The following SNTB1 variants were observed in gnomAD, a reference collection of about 807,000 sequenced individuals.
SNTB1 encodes the protein syntrophin beta 1.
SNTB1 carries 36 observed loss-of-function variants against 48.9 expected under a neutral mutation model. That is an observed-to-expected ratio of 0.74 (90% CI 0.56 to 0.97). The LOEUF (loss-of-function observed/expected upper bound fraction) is 0.97, where lower values mean the gene tolerates loss of function less well. Ranked by LOEUF, SNTB1 falls within the 50% of genes least tolerant of loss-of-function variation. The probability of loss-of-function intolerance (pLI) is 0.00; values close to 1 mark genes in which losing one functional copy is unlikely to be tolerated. For missense variants in SNTB1, 786 were observed against 703.4 expected, an observed-to-expected ratio of 1.12 and a Z score of -1.33; for synonymous variants, 299 against 294.6, an observed-to-expected ratio of 1.01 and a Z score of -0.15.
In SNTB1 at chr8:120,662,515, A is replaced by T. The variant is rs544386078; in HGVS notation, c.789-29864T>A. Reference sequence around the variant, plus strand: ...TTACAGATGAAAGAAATTAACCCAAAACTTTCTACTTCTTGGCATCAAGGT... The same window carrying T: ...TTACAGATGAAAGAAATTAACCCAATACTTTCTACTTCTTGGCATCAAGGT... On this transcript the variant is annotated intron_variant, in intron 2 of 6. Transcript: ENST00000517992. Among the ~76,000 whole-genome samples, 3 of 152,262 alleles carry T rather than the reference A, an allele frequency of 2.0e-5. No individual in the cohort carries two copies. In the South Asian group the frequency reaches 6.2e-4, roughly 32 times the overall value.
At chr8:120,772,687 C>A (rs1032876653) in intron 1 of SNTB1, among the ~76,000 whole-genome samples, 2 of 152,168 alleles carry the variant, frequency 1.3e-5, no homozygotes, top group African/African-American at 4.8e-5. Context: ...ACAACCCACA[C>A]TGTATATACC....
intron 3 of SNTB1, among the ~76,000 whole-genome samples, chr8:120,610,765 T>A (rs1289703732): frequency 6.6e-6 from 1 of 152,118 alleles, no homozygotes; most frequent in Non-Finnish European, 1.5e-5. Context: ...AAGCTGCTGA[T>A]CAGTTTCAGG....
chr8:120,793,666 G>A lies in SNTB1; in HGVS notation c.571+17607C>T, dbSNP rs1820075443. Among the ~76,000 whole-genome samples the A allele has an allele frequency of 2.6e-5, 4 of 152,068 alleles. No individual in the cohort carries two copies. In the South Asian group the frequency reaches 8.3e-4, roughly 31 times the overall value. The stretch of plus-strand genomic sequence containing the variant: ...GGGTGCTTAGGGTCTAAGGAGTTGT[G>A]TAACTGCAGATCAGCCTATTAAACT... On this transcript the variant is annotated intron_variant, in intron 1 of 6. Coordinates refer to ENST00000517992, the MANE Select transcript of SNTB1 (RefSeq NM_021021.4).
chr8:120,801,994 C>A (rs1440530696), intron 1 of SNTB1, among the ~76,000 whole-genome samples: 1 of 152,192 alleles, frequency 6.6e-6, no homozygotes, highest in Non-Finnish European at 1.5e-5. Flanking sequence ...AGAGATAACC[C>A]TTTGGTGTCC....
intron 3 of SNTB1, among the ~76,000 whole-genome samples, chr8:120,619,917 TG>T (rs1323332359): frequency 6.6e-6 from 1 of 152,180 alleles, no homozygotes; most frequent in Non-Finnish European, 1.5e-5. Flanking sequence ...ATGGTGTTGA[TG>T]GAAGTTCTGT....
At chr8:120,639,643 C>T (rs1817152372) in intron 2 of SNTB1, among the ~76,000 whole-genome samples, 1 of 152,140 alleles carries the variant, frequency 6.6e-6, no homozygotes, top group Non-Finnish European at 1.5e-5. Flanking sequence ...GGAATCCTTT[C>T]CCCATTTCTT....
rs142242918 is a variant in SNTB1 at position 120,600,592 on chromosome 8, A to G, written c.997-25367T>C. 2.4e-3 allele frequency among the ~76,000 whole-genome samples: 369 copies of G among 152,318 alleles called. 4 individuals carry two copies. Among genetic ancestry groups the G allele is most frequent in the African/African-American group, 8.6e-3 (357 of 41,568 alleles). ...CATTTAATTGAAGTAGCTATTACTC[A>G]GCAATAGGTAGCTGGAATTCCTTAC... is the stretch of plus-strand genomic sequence containing the variant. On this transcript the variant is annotated intron_variant, in intron 3 of 6. Coordinates refer to ENST00000517992, the MANE Select transcript of SNTB1 (RefSeq NM_021021.4).
At chr8:120,811,196 T>C in intron 1 of SNTB1, 77 bp downstream of exon 1, 1 of 1,509,234 alleles carries the variant, frequency 6.6e-7, no homozygotes, top group Non-Finnish European at 8.8e-7. Context: ...CGAGTGAGTG[T>C]GAGTGTGAGC....
Position 120,542,517 on chromosome 8 carries a change from G to A in SNTB1, c.1334-517C>T, listed in dbSNP as rs552564734. Among the ~76,000 whole-genome samples, 30 of 152,230 alleles carry A rather than the reference G, an allele frequency of 2.0e-4. No individual in the cohort carries two copies. The South Asian group carries it at 5.2e-3, about 26-fold the overall frequency. ...AAAAATACAAATATTAGCCAGACAT[G>A]GTGGTGTGTGCCTGTATTCCCAGCT... On this transcript the variant is annotated intron_variant, in intron 5 of 6. Transcript: ENST00000517992.
intron 1 of SNTB1, among the ~76,000 whole-genome samples, chr8:120,795,038 G>A (rs930581729): frequency 2.0e-5 from 3 of 151,980 alleles, no homozygotes; most frequent in African/African-American, 7.2e-5. Flanking sequence ...GAAAAACGCA[G>A]TTGAATTTAA....
At chr8:120,789,826 C>T (rs1042343045) in intron 1 of SNTB1, among the ~76,000 whole-genome samples, 1 of 151,862 alleles carries the variant, frequency 6.6e-6, no homozygotes, top group Non-Finnish European at 1.5e-5. Flanking sequence ...GAATTGGTAC[C>T]AATTATAATG....
chr8:120,700,507 A>G (rs1368034848), intron 1 of SNTB1, among the ~76,000 whole-genome samples: 5 of 152,174 alleles, frequency 3.3e-5, no homozygotes, highest in South Asian at 2.1e-4. Context: ...TTAATAAACC[A>G]TGTCCTTTTT....
intron 4 of SNTB1, among the ~76,000 whole-genome samples, chr8:120,568,900 G>C (rs992136667): frequency 1.3e-5 from 2 of 152,208 alleles, no homozygotes; most frequent in Non-Finnish European, 2.9e-5. Context: ...AGTGAGTTGA[G>C]GGGACAACTA....
At chr8:120,787,333 C>A (rs1819941308) in intron 1 of SNTB1, among the ~76,000 whole-genome samples, 1 of 151,916 alleles carries the variant, frequency 6.6e-6, no homozygotes, top group Admixed American at 6.6e-5. Context: ...TCTCTAATAT[C>A]CCTAGAAGAG....
intron 3 of SNTB1, among the ~76,000 whole-genome samples, chr8:120,626,296 G>A (rs1338987746): frequency 1.3e-5 from 2 of 152,120 alleles, no homozygotes; most frequent in Admixed American, 1.3e-4. Flanking sequence ...GATACAGGGA[G>A]GTAGACAGAT....
At chr8:120,721,536 G>GTT (rs1358712573) in intron 1 of SNTB1, among the ~76,000 whole-genome samples, 2 of 152,172 alleles carry the variant, frequency 1.3e-5, no homozygotes, top group African/African-American at 4.8e-5. Flanking sequence ...AGTTGAATGA[G>GTT]CCTTACTACT....
chr8:120,806,003 G>A (rs896595930), intron 1 of SNTB1, among the ~76,000 whole-genome samples: 17 of 152,192 alleles, frequency 1.1e-4, no homozygotes, highest in African/African-American at 3.1e-4. Flanking sequence ...GAGTTAATCC[G>A]TGTAAAGTGC....
chr8:120,558,299 C>T (rs1286917768), intron 4 of SNTB1, among the ~76,000 whole-genome samples: 1 of 152,170 alleles, frequency 6.6e-6, no homozygotes, highest in Non-Finnish European at 1.5e-5. Context: ...CAAGAAAATG[C>T]TGTCTCCCAA....
intron 5 of SNTB1, among the ~76,000 whole-genome samples, chr8:120,543,728 C>T (rs540164464): frequency 1.2e-4 from 19 of 152,238 alleles, no homozygotes; most frequent in East Asian, 1.2e-3. Flanking sequence ...TCACAGAATG[C>T]GGTGGCTGTT....
Sources: allele counts gnomAD v4.1 joint callset (sites outside exome capture counted in the v4.1 genomes callset), GRCh38; gene constraint gnomAD v4.1.1; transcripts MANE v1.5; gene names NCBI Gene and HGNC (gene_info 2026-07-23, HGNC 2026-07-21).